Variants in OPCML observed in about 807,000 individuals in gnomAD.
OPCML encodes opioid binding protein/cell adhesion molecule like.
OPCML carries 13 observed loss-of-function variants against 37.8 expected under a neutral mutation model. That is an observed-to-expected ratio of 0.34 (90% CI 0.22 to 0.55). OPCML has a LOEUF of 0.55. Among genes scored for constraint, OPCML ranks in the 20% least tolerant of loss-of-function variants. The pLI is 0.91. For missense variants in OPCML, 341 were observed against 435.6 expected, an observed-to-expected ratio of 0.78 and a Z score of 1.93; for synonymous variants, 176 against 168.8, an observed-to-expected ratio of 1.04 and a Z score of -0.33.
At chr11:132,496,184 G>A (rs1627589) in intron 4 of OPCML, among the ~76,000 whole-genome samples, 6,081 of 152,270 alleles carry the variant, frequency 0.04, 182 homozygotes, top group Middle Eastern at 0.1. Flanking sequence ...AAGTGCAAGA[G>A]CGTGACCAGG....
intron 7 of OPCML, among the ~76,000 whole-genome samples, chr11:132,427,651 T>C (rs1449298587): frequency 1.3e-5 from 2 of 152,228 alleles, no homozygotes. Flanking sequence ...CAGAAGTTAA[T>C]TCAAATCCGT....
intron 1 of OPCML, among the ~76,000 whole-genome samples, chr11:133,143,941 T>C (rs1159668841): frequency 6.6e-6 from 1 of 152,196 alleles, no homozygotes; most frequent in Non-Finnish European, 1.5e-5. Flanking sequence ...CTTGAGATGC[T>C]ACTCTGTGGA....
At chr11:132,862,485 A>G (rs895319143) in intron 2 of OPCML, among the ~76,000 whole-genome samples, 4 of 151,736 alleles carry the variant, frequency 2.6e-5, no homozygotes, top group African/African-American at 9.7e-5. Flanking sequence ...TCTATACGAA[A>G]AAAAAAAAAA....
intron 1 of OPCML, among the ~76,000 whole-genome samples, chr11:133,254,914 C>T (rs1941260604): frequency 6.6e-6 from 1 of 151,732 alleles, no homozygotes; most frequent in African/African-American, 2.4e-5. Flanking sequence ...ACACTGAGTT[C>T]AAAAAAAGGG....
chr11:132,436,605 G>A (rs1343372117), intron 6 of OPCML, 54 bp downstream of exon 6: 7 of 1,603,110 alleles, frequency 4.4e-6, no homozygotes, highest in Non-Finnish European at 6.0e-6. Context: ...CTCCCATGTG[G>A]GGATAGACCA....
At chr11:133,306,187 A>C (rs1453470983) in intron 1 of OPCML, among the ~76,000 whole-genome samples, 1 of 152,186 alleles carries the variant, frequency 6.6e-6, no homozygotes, top group Non-Finnish European at 1.5e-5. Context: ...TGAAATCATG[A>C]GTGCAGCCCA....
chr11:132,452,388 G>C (rs1234115974), intron 4 of OPCML, among the ~76,000 whole-genome samples: 1 of 152,054 alleles, frequency 6.6e-6, no homozygotes, highest in Non-Finnish European at 1.5e-5. Flanking sequence ...CATTTCCCAC[G>C]ATCTCCAAGG....
At chr11:132,881,249 G>GT (rs1943213436) in intron 2 of OPCML, among the ~76,000 whole-genome samples, 1 of 152,250 alleles carries the variant, frequency 6.6e-6, no homozygotes, top group African/African-American at 2.4e-5. Context: ...ATGAAGATCT[G>GT]TATCACAAAT....
chr11:132,739,739 C>A (rs1270102047), intron 2 of OPCML, among the ~76,000 whole-genome samples: 2 of 152,106 alleles, frequency 1.3e-5, no homozygotes, highest in Non-Finnish European at 2.9e-5. Flanking sequence ...TTTCTGAATT[C>A]CTGAATGATG....
chr11:132,547,870 G>A (rs1342363265), intron 3 of OPCML, among the ~76,000 whole-genome samples: 1 of 152,126 alleles, frequency 6.6e-6, no homozygotes, highest in African/African-American at 2.4e-5. Context: ...TTGGTGGAAA[G>A]TGAAGGAGAG....
chr11:133,288,779 G>A (rs943231673), intron 1 of OPCML, among the ~76,000 whole-genome samples: 5 of 152,144 alleles, frequency 3.3e-5, no homozygotes, highest in Non-Finnish European at 5.9e-5. Context: ...CTAGAATTGC[G>A]AGAGACCTCT....
chr11:133,078,545 G>T (rs1242601618), intron 1 of OPCML, among the ~76,000 whole-genome samples: 1 of 152,124 alleles, frequency 6.6e-6, no homozygotes, highest in Non-Finnish European at 1.5e-5. Context: ...AATATAAAAG[G>T]CAACACGCTT....
chr11:132,468,811 A>G (rs961756961), intron 4 of OPCML, among the ~76,000 whole-genome samples: 2 of 152,212 alleles, frequency 1.3e-5, no homozygotes, highest in Non-Finnish European at 2.9e-5. Context: ...TAGGTCATTT[A>G]TGGTAAACGC....
chr11:132,591,127 G>A, intron 3 of OPCML, among the ~76,000 whole-genome samples: 1 of 152,122 alleles, frequency 6.6e-6, no homozygotes, highest in East Asian at 1.9e-4. Context: ...CCTTCTGTTA[G>A]TTATCCCCGG....
chr11:133,010,012 C>G (rs185002245), intron 1 of OPCML, among the ~76,000 whole-genome samples: 3 of 152,280 alleles, frequency 2.0e-5, no homozygotes, highest in Admixed American at 1.3e-4. Context: ...CTCGCCTCCC[C>G]CTAGTCCCTT....
At chr11:133,231,196 A>T (rs1825729902) in intron 1 of OPCML, among the ~76,000 whole-genome samples, 1 of 152,180 alleles carries the variant, frequency 6.6e-6, no homozygotes, top group African/African-American at 2.4e-5. Context: ...CCACCTAAGG[A>T]GTAGCTGCGG....
intron 2 of OPCML, among the ~76,000 whole-genome samples, chr11:132,796,996 AC>A (rs1355006658): frequency 2.6e-5 from 4 of 152,188 alleles, no homozygotes; most frequent in Admixed American, 2.0e-4. Flanking sequence ...TTATTTATAC[AC>A]TCTAGATAAA....
In OPCML at chr11:132,415,069, T is replaced by C. The variant is rs564441432; in HGVS notation, c.*5124A>G. Reference sequence around the variant, plus strand: ...ATTAGAAAAGGTTACAACTACAATGTAACATGCACAAAATTCAGGTAGTAT... The same window carrying C: ...ATTAGAAAAGGTTACAACTACAATGCAACATGCACAAAATTCAGGTAGTAT... On this transcript the variant is annotated 3_prime_UTR_variant, in exon 8 of 8. Coordinates refer to ENST00000524381, the MANE Select transcript of OPCML (RefSeq NM_001012393.5). 8 of 152,550 alleles carry C rather than the reference T, an allele frequency of 5.2e-5. No homozygotes were observed. Among genetic ancestry groups the C allele is most frequent in the Non-Finnish European group, 1.0e-4 (7 of 68,022 alleles). 9.4% of individuals were successfully genotyped at this position (152,550 alleles called of 1,614,324 possible).
intron 1 of OPCML, chr11:133,297,082 G>C (rs1368628800): frequency 6.6e-6 from 1 of 152,190 alleles, no homozygotes; most frequent in Non-Finnish European, 1.5e-5. Flanking sequence ...ACTTGGGAAG[G>C]ATGAATAGGA....
Sources: allele counts gnomAD v4.1 joint callset (sites outside exome capture counted in the v4.1 genomes callset), GRCh38; gene constraint gnomAD v4.1.1; transcripts MANE v1.5; gene names NCBI Gene and HGNC (gene_info 2026-07-23, HGNC 2026-07-21).